Variants in LIPI observed in about 807,000 individuals in gnomAD.
The protein encoded by LIPI is lipase I.
In LIPI, 59 loss-of-function variants were observed where a neutral mutation model predicts 50.6. The observed-to-expected ratio is 1.16, with a 90% CI of 0.94 to 1.45. The LOEUF is 1.45. Ranked by LOEUF, LIPI falls within the 40% of genes most tolerant of loss-of-function variation. LIPI has a pLI of 0.00. For synonymous variants in LIPI, 203 were observed against 178.2 expected (o/e 1.14, Z -1.11); for missense variants, 586 against 536.3 (o/e 1.09, Z -0.92).
chr21:14,120,772 AT>A (rs2016831403), intron 9 of LIPI, among the ~76,000 whole-genome samples: 1 of 152,208 alleles, frequency 6.6e-6, no homozygotes, highest in South Asian at 2.1e-4. Context: ...GAGGCGTGCC[AT>A]TCCAGAAGCC....
chr21:14,112,989 A>AT, intron 9 of LIPI, among the ~76,000 whole-genome samples: 1 of 152,354 alleles, frequency 6.6e-6, no homozygotes, highest in Non-Finnish European at 1.5e-5. Context: ...GATAAGGCAC[A>AT]TAGAAGGGTC....
At position 14,189,107 on chromosome 21, in the gene LIPI, A is replaced by G. The variant is rs1442924551; in HGVS notation, c.359T>C (p.Phe120Ser). ...VVDWSRGATT[F>S]IYNRAVKNTR... ...GTTTTTAACTGCTCTATTATAAATA[A>G]AAGTTGTAGCACCCCGGCTCCAGTC... Residue 120 changes from phenylalanine to serine, a missense_variant, in exon 2 of 10, where the codon TTT (phenylalanine) becomes TCT (serine). Phe to Ser is a radical substitution (Grantham distance 155, BLOSUM62 -2). Coordinates refer to ENST00000681601, the MANE Select transcript of LIPI (RefSeq NM_001302998.2). 2 of 1,613,188 alleles carry G rather than the reference A, an allele frequency of 1.2e-6. No individual in the cohort carries two copies. The highest frequency in any genetic ancestry group is 1.7e-6 in the Non-Finnish European group (2 of 1,179,954).
intron 8 of LIPI, among the ~76,000 whole-genome samples, chr21:14,149,556 T>C (rs557981926): frequency 1.3e-5 from 2 of 152,164 alleles, no homozygotes; most frequent in Admixed American, 6.5e-5. Flanking sequence ...CAAAGTCTCA[T>C]TTGAGACAAG....
rs567876476 is a variant in LIPI, at chr21:14,109,907, T to A, written c.1296-827A>T. Among the ~76,000 whole-genome samples, 11 of 151,942 alleles carry A rather than the reference T, an allele frequency of 7.2e-5. 1 individual carries two copies. In the South Asian group the frequency reaches 1.7e-3, roughly 23 times the overall value. On this transcript the variant is annotated intron_variant, in intron 9 of 9. Transcript: ENST00000681601. ...CTGTCATGAATTTTGATATCTTTTT[T>A]ATCTTATGTTTAATAGTTCCTTCTC...
At chr21:14,143,476 A>T (rs943380706) in intron 9 of LIPI, 3 of 152,172 alleles carry the variant, frequency 2.0e-5, no homozygotes, top group African/African-American at 7.2e-5. Context: ...GTATATTATT[A>T]TCATTTATTA....
chr21:14,196,976 A>G (rs2019885118), intron 1 of LIPI, among the ~76,000 whole-genome samples: 1 of 151,948 alleles, frequency 6.6e-6, no homozygotes, highest in Non-Finnish European at 1.5e-5. Flanking sequence ...TCAACAAATA[A>G]TTCTTAAAAC....
Position 14,173,398 on chromosome 21 carries a change from G to A in LIPI, c.644-6947C>T, listed in dbSNP as rs1294727813. Among the ~76,000 whole-genome samples the A allele has an allele frequency of 2.6e-5, 4 of 152,142 alleles. No individual in the cohort carries two copies. The East Asian group carries it at 7.7e-4, about 29-fold the overall frequency. The stretch of plus-strand genomic sequence containing the variant: ...TGAAACACATAGCTTTGATTCAAGG[G>A]TTTATGTAGCCCTGTAGATCATTGG... On this transcript the variant is annotated intron_variant, in intron 4 of 9. Transcript: ENST00000681601.
chr21:14,210,321 C>T (rs1314662328), intron 1 of LIPI, among the ~76,000 whole-genome samples: 4 of 152,106 alleles, frequency 2.6e-5, no homozygotes, highest in African/African-American at 7.2e-5. Flanking sequence ...CTTTGTTTTT[C>T]GTCATACTGA....
intron 9 of LIPI, among the ~76,000 whole-genome samples, chr21:14,130,869 C>T (rs1257747303): frequency 1.3e-5 from 2 of 152,236 alleles, no homozygotes; most frequent in African/African-American, 2.4e-5. Flanking sequence ...CACCACCACT[C>T]ATCATCCACA....
At chr21:14,168,111 A>T (rs1014669033) in intron 4 of LIPI, among the ~76,000 whole-genome samples, 4 of 152,222 alleles carry the variant, frequency 2.6e-5, no homozygotes, top group Non-Finnish European at 1.5e-5. Context: ...AAGAAAGGGT[A>T]TCAGTGATGG....
At chr21:14,178,152 C>T (rs1445821590) in intron 4 of LIPI, among the ~76,000 whole-genome samples, 2 of 152,088 alleles carry the variant, frequency 1.3e-5, no homozygotes, top group Non-Finnish European at 2.9e-5. Context: ...CACTATCATA[C>T]ATCTCAATGG....
intron 1 of LIPI, among the ~76,000 whole-genome samples, chr21:14,195,384 A>AC (rs56936804): frequency 0.72 from 108,979 of 151,372 alleles, 40,370 homozygotes; most frequent in African/African-American, 0.89. Flanking sequence ...ACCTTAATAA[A>AC]TGCAGGGACA....
At chr21:14,126,251 A>G (rs912037336) in intron 9 of LIPI, among the ~76,000 whole-genome samples, 2 of 152,226 alleles carry the variant, frequency 1.3e-5, no homozygotes, top group Admixed American at 6.5e-5. Context: ...TACATGTCCA[A>G]TATTAACAGC....
chr21:14,202,935 C>T (rs539915843), intron 1 of LIPI, among the ~76,000 whole-genome samples: 6 of 152,270 alleles, frequency 3.9e-5, no homozygotes, highest in Non-Finnish European at 5.9e-5. Context: ...ATCTACCCAT[C>T]TGACAAAGGG....
Position 14,150,218 on chromosome 21 carries a change from T to C in LIPI, c.1118+2355A>G, listed in dbSNP as rs143622445. Among the ~76,000 whole-genome samples the C allele has an allele frequency of 2.7e-3, 418 of 152,286 alleles. 2 individuals are homozygous for C. Among genetic ancestry groups the C allele is most frequent in the African/African-American group, 9.1e-3 (377 of 41,566 alleles). On this transcript the variant is annotated intron_variant, in intron 8 of 9. Transcript: ENST00000681601. ...AATAGTATGGGGGAAACCACTCCCA[T>C]GATTCAATTATCTCAACCTGGTCCA...
At position 14,152,762 on chromosome 21, in the gene LIPI, A is replaced by ATG. The variant is rs555329959; in HGVS notation, c.1007-80_1007-79dup. 786 of 679,810 alleles carry ATG rather than the reference A, an allele frequency of 1.2e-3. 3 individuals carry two copies. Among genetic ancestry groups the ATG allele is most frequent in the South Asian group, 1.7e-3 (101 of 57,832 alleles). The allele number at this position is 679,810 out of a possible 1,614,324, so 42.1% of individuals were successfully genotyped here. A position where few individuals can be genotyped will look rare whatever the true frequency, so the allele number is the denominator to read the frequency against. On this transcript the variant is annotated intron_variant, in intron 7 of 9. Transcript: ENST00000681601. Reference sequence around the variant, plus strand: ...TTGGTACATATTCAGATATATATATATGTGTATGTATAGATAGATATGTAA... The same window carrying ATG: ...TTGGTACATATTCAGATATATATATATGTGTGTATGTATAGATAGATATGTAA...
rs138314891 is a variant in LIPI at position 14,131,725 on chromosome 21, C to T, written c.1295+12898G>A. ...CAATAGATCCCAACCAGAAAGAATT[C>T]CTCAAAGTGCCAGGTAAATAATTCA... is the stretch of plus-strand genomic sequence containing the variant. On this transcript the variant is annotated intron_variant, in intron 9 of 9. Transcript: ENST00000681601. 6.8e-3 allele frequency among the ~76,000 whole-genome samples: 1,040 copies of T among 152,178 alleles called. 18 individuals are homozygous for T. The highest frequency in any genetic ancestry group is 0.021 in the African/African-American group (869 of 41,492).
chr21:14,119,706 G>A (rs538321289), intron 9 of LIPI, among the ~76,000 whole-genome samples: 1 of 152,290 alleles, frequency 6.6e-6, no homozygotes, highest in South Asian at 2.1e-4. Context: ...CCTTTTACCT[G>A]TATGTTCATG....
At chr21:14,165,857 C>T (rs150914972) in intron 5 of LIPI, among the ~76,000 whole-genome samples, 393 of 152,310 alleles carry the variant, frequency 2.6e-3, no homozygotes, top group Middle Eastern at 0.01. Flanking sequence ...CCTTTGGTCA[C>T]GTGTTATTTG....
Sources: gnomAD v4.1 joint callset for allele counts (sites outside exome capture counted in the v4.1 genomes callset) on GRCh38, gnomAD v4.1.1 for gene constraint, MANE v1.5 for transcripts, NCBI Gene and HGNC (gene_info 2026-07-23, HGNC 2026-07-21) for gene names.